Variants in PWWP3B observed in about 807,000 individuals in gnomAD.
The protein encoded by PWWP3B is PWWP domain containing 3B.
Under a neutral mutation model 15.7 loss-of-function variants are expected in PWWP3B, and 5 were observed. The observed-to-expected ratio is 0.32, with a 90% CI of 0.17 to 0.67. The LOEUF (loss-of-function observed/expected upper bound fraction) is 0.67, where lower values mean the gene tolerates loss of function less well. PWWP3B is among the 30% of genes least tolerant of loss of function. The pLI is 0.74. For synonymous variants in PWWP3B, 203 were observed against 179.8 expected (o/e 1.13, Z -1.03); for missense variants, 519 against 493.1 (o/e 1.05, Z -0.50).
At chrX:106,177,387 T>G (rs1921957226) in intron 2 of PWWP3B, 1 of 112,516 alleles carries the variant, frequency 8.9e-6, no homozygotes, top group Non-Finnish European at 1.9e-5. Context: ...GCCAGTTATT[T>G]TCTGGGAATT....
chrX:106,190,908 C>G (rs991980548), intron 2 of PWWP3B, among the ~76,000 whole-genome samples: 1 of 111,294 alleles, frequency 9.0e-6, no homozygotes, highest in Non-Finnish European at 1.9e-5. Flanking sequence ...GTCTATATCT[C>G]TGTTTTGGTA....
At chrX:106,197,005 T>C (rs1395926873) in intron 2 of PWWP3B, among the ~76,000 whole-genome samples, 1 of 111,646 alleles carries the variant, frequency 9.0e-6, no homozygotes, top group Non-Finnish European at 1.9e-5. Context: ...TGACAGCAGT[T>C]GACTGCTGTT....
At chrX:106,173,746 T>C in intron 2 of PWWP3B, among the ~76,000 whole-genome samples, 1 of 111,837 alleles carries the variant, frequency 8.9e-6, no homozygotes, top group East Asian at 2.8e-4. Flanking sequence ...TTTATTATTG[T>C]ATTTTTAAAT....
intron 2 of PWWP3B, among the ~76,000 whole-genome samples, chrX:106,182,177 G>A (rs752896276): frequency 6.8e-4 from 76 of 112,262 alleles, no homozygotes; most frequent in Non-Finnish European, 1.3e-3. Context: ...TGGGATTGTA[G>A]TGTAAGGATA....
chrX:106,198,530 G>A (rs1387045025), intron 2 of PWWP3B, among the ~76,000 whole-genome samples: 1 of 111,633 alleles, frequency 9.0e-6, no homozygotes, highest in Non-Finnish European at 1.9e-5. Flanking sequence ...AAGATCATAT[G>A]TCAAGTGCTT....
In PWWP3B at chrX:106,205,227, G is replaced by T. The variant is rs1033346189; in HGVS notation, c.-206G>T. On this transcript the variant is annotated 5_prime_UTR_variant, in exon 4 of 4. Transcript: ENST00000357175. ...CCTTTTCCCTGTTTCAGTATCTTCCGGTATCATCCTATTCAAACAACGTGT... is the reference window on the plus strand; with the variant it reads ...CCTTTTCCCTGTTTCAGTATCTTCCTGTATCATCCTATTCAAACAACGTGT... The T allele has an allele frequency of 3.0e-6, 1 of 337,342 alleles. No individual in the cohort carries two copies. Among genetic ancestry groups the T allele is most frequent in the Non-Finnish European group, 5.2e-6 (1 of 193,561 alleles). 27.8% of individuals were successfully genotyped at this position (337,342 alleles called of 1,213,427 possible).
chrX:106,188,748 A>G (rs1231561523), intron 2 of PWWP3B, among the ~76,000 whole-genome samples: 2 of 112,622 alleles, frequency 1.8e-5, no homozygotes, highest in African/African-American at 6.5e-5. Context: ...AGAATGTCAT[A>G]CAAATGGAAT....
chrX:106,197,305 G>T (rs1489879860), intron 2 of PWWP3B, among the ~76,000 whole-genome samples: 1 of 111,732 alleles, frequency 8.9e-6, no homozygotes, highest in Non-Finnish European at 1.9e-5. Context: ...AGCAGCAATG[G>T]ATCTCTGCCT....
chrX:106,199,082 T>C (rs1923546008), intron 2 of PWWP3B, among the ~76,000 whole-genome samples: 1 of 105,400 alleles, frequency 9.5e-6, no homozygotes, highest in Non-Finnish European at 1.9e-5. Context: ...AGAGTCTCGC[T>C]TTGTCGCCCA....
intron 2 of PWWP3B, among the ~76,000 whole-genome samples, chrX:106,175,243 T>TC (rs1387531254): frequency 1.1e-5 from 1 of 88,878 alleles, no homozygotes; most frequent in African/African-American, 4.1e-5. Flanking sequence ...TTTCTTTTTT[T>TC]TTTTTTTTTT....
rs180897035 is a variant in PWWP3B at position 106,181,728 on chromosome X, G to A, written c.-401+10589G>A. 3.1e-3 allele frequency among the ~76,000 whole-genome samples: 341 copies of A among 111,519 alleles called. 3 individuals carry two copies. The highest frequency in any genetic ancestry group is 0.011 in the African/African-American group (326 of 30,694). ...CCCTGCAGTTGTAGTGTCCTCCAGA[G>A]GGGAACTCTTTAGGCCAGTCAAAGG... On this transcript the variant is annotated intron_variant, in intron 2 of 3. Coordinates refer to ENST00000357175, the MANE Select transcript of PWWP3B (RefSeq NM_001171020.2).
intron 2 of PWWP3B, among the ~76,000 whole-genome samples, chrX:106,186,812 C>T (rs924944690): frequency 2.7e-5 from 3 of 111,576 alleles, no homozygotes; most frequent in African/African-American, 9.8e-5. Flanking sequence ...CCATCCACAT[C>T]CTGCTGATTG....
At chrX:106,202,683 T>G (rs920953869) in intron 2 of PWWP3B, among the ~76,000 whole-genome samples, 1 of 111,720 alleles carries the variant, frequency 9.0e-6, no homozygotes, top group Non-Finnish European at 1.9e-5. Flanking sequence ...AGGATTTGGT[T>G]TATTTCTATA....
At position 106,206,349 on chromosome X, in the gene PWWP3B, C is replaced by T; in HGVS notation, c.917C>T (p.Ala306Val). 1 of 1,203,196 alleles carries T rather than the reference C, an allele frequency of 8.3e-7. No homozygotes were observed. Among genetic ancestry groups the T allele is most frequent in the Non-Finnish European group, 1.1e-6 (1 of 890,804 alleles). Residue 306 changes from alanine to valine, a missense_variant, in exon 4 of 4, where the codon GCT (alanine) becomes GTT (valine). Transcript: ENST00000357175. ...NQPSMESEMG[A>V]AACPGSCSRE... is the part of the protein sequence containing the mutation. ...CCTTCCATGGAATCAGAGATGGGGG[C>T]TGCAGCATGCCCTGGGAGTTGTTCA... is the stretch of plus-strand genomic sequence containing the variant.
rs1384387895 is a variant in PWWP3B at position 106,168,441 on chromosome X, A to C, written c.-529+16A>C. ...TGGAATAAAGGTGAGAAAAGAAGAG[A>C]GTGCTGCTTAGGAATAACGGGAAAG... is the stretch of plus-strand genomic sequence containing the variant. On this transcript the variant is annotated intron_variant, in intron 1 of 3. Transcript: ENST00000357175. 4.5e-5 allele frequency: 5 copies of C among 112,018 alleles called. No homozygotes were observed. Among genetic ancestry groups the C allele is most frequent in the Non-Finnish European group, 9.4e-5 (5 of 53,214 alleles). The allele number at this position is 112,018 out of a possible 1,213,427, so 9.2% of individuals were successfully genotyped here.
chrX:106,191,766 G>C (rs1382066203), intron 2 of PWWP3B, among the ~76,000 whole-genome samples: 1 of 111,238 alleles, frequency 9.0e-6, no homozygotes, highest in South Asian at 3.8e-4. Flanking sequence ...GTTGAATTTT[G>C]TCAAAGGCCT....
chrX:106,198,049 G>T (rs1239847460), intron 2 of PWWP3B, among the ~76,000 whole-genome samples: 2 of 111,639 alleles, frequency 1.8e-5, no homozygotes, highest in African/African-American at 6.5e-5. Context: ...TTATATAATG[G>T]TTATTACTAC....
Position 106,192,051 on chromosome X carries a change from C to T in PWWP3B, c.-400-11934C>T, listed in dbSNP as rs201158401. Among the ~76,000 whole-genome samples the T allele has an allele frequency of 1.0e-3, 113 of 111,779 alleles. 1 individual carries two copies. In the East Asian group the frequency reaches 0.021, roughly 21 times the overall value. Reference sequence around the variant, plus strand: ...TCTTTGGTATCAGGATGATGCTGGCCTCATAAAATGAGTTAGGGAGGATTC... The same window carrying T: ...TCTTTGGTATCAGGATGATGCTGGCTTCATAAAATGAGTTAGGGAGGATTC... On this transcript the variant is annotated intron_variant, in intron 2 of 3. Coordinates refer to ENST00000357175, the MANE Select transcript of PWWP3B (RefSeq NM_001171020.2).
At chrX:106,190,367 A>C (rs1316877134) in intron 2 of PWWP3B, among the ~76,000 whole-genome samples, 4 of 111,830 alleles carry the variant, frequency 3.6e-5, no homozygotes, top group African/African-American at 1.3e-4. Flanking sequence ...TGTTCATATC[A>C]TTCGCCGACT....
Sources: gnomAD v4.1 joint callset for allele counts (sites outside exome capture counted in the v4.1 genomes callset) on GRCh38, gnomAD v4.1.1 for gene constraint, MANE v1.5 for transcripts, NCBI Gene and HGNC (gene_info 2026-07-23, HGNC 2026-07-21) for gene names.